The following STEAP1B variants were observed in gnomAD, a reference collection of about 807,000 sequenced individuals.
STEAP1B encodes the protein STEAP family member 1B.
Under a neutral mutation model 27.9 loss-of-function variants are expected in STEAP1B, and 13 were observed. That is an observed-to-expected ratio of 0.47 (90% CI 0.30 to 0.74). The LOEUF (loss-of-function observed/expected upper bound fraction) is 0.74, where lower values mean the gene tolerates loss of function less well. Among genes scored for constraint, STEAP1B ranks in the 30% least tolerant of loss-of-function variants. The pLI, the probability that STEAP1B is intolerant of heterozygous loss-of-function variation, is 0.06. For missense variants in STEAP1B, 250 were observed against 298.7 expected, an observed-to-expected ratio of 0.84 and a Z score of 1.20; for synonymous variants, 86 against 107.1, an observed-to-expected ratio of 0.80 and a Z score of 1.22.
At chr7:22,435,551 G>C (rs1030826952) in intron 4 of STEAP1B, among the ~76,000 whole-genome samples, 6 of 152,086 alleles carry the variant, frequency 3.9e-5, no homozygotes, top group African/African-American at 1.2e-4. Context: ...AGCACCAAGG[G>C]GGGTGGTTAT....
At chr7:22,468,599 A>G (rs992212520) in intron 4 of STEAP1B, among the ~76,000 whole-genome samples, 3 of 152,010 alleles carry the variant, frequency 2.0e-5, no homozygotes, top group African/African-American at 7.3e-5. Context: ...AAAGACAAAG[A>G]CCTGCACACA....
chr7:22,441,375 G>A (rs965385614), intron 4 of STEAP1B, among the ~76,000 whole-genome samples: 7 of 152,096 alleles, frequency 4.6e-5, no homozygotes, highest in Admixed American at 1.3e-4. Context: ...CTTACCATGC[G>A]CCAGGCACTG....
chr7:22,420,592 C>T (rs1480586539), intron 4 of STEAP1B, among the ~76,000 whole-genome samples: 7 of 152,200 alleles, frequency 4.6e-5, no homozygotes, highest in Admixed American at 1.3e-4. Context: ...AAAACTTTCC[C>T]GGCATATCAT....
intron 3 of STEAP1B, 26 bp downstream of exon 3, chr7:22,493,298 T>C (rs201851675): frequency 0.059 from 89,168 of 1,499,346 alleles, 4,504 homozygotes; most frequent in African/African-American, 0.12. Flanking sequence ...TTTTTATTAG[T>C]AACAGTGACA....
intron 4 of STEAP1B, among the ~76,000 whole-genome samples, chr7:22,457,819 C>G (rs973170808): frequency 6.6e-6 from 1 of 152,200 alleles, no homozygotes; most frequent in Admixed American, 6.5e-5. Flanking sequence ...AGGTCCTCAC[C>G]TGCCCACATG....
intron 4 of STEAP1B, among the ~76,000 whole-genome samples, chr7:22,457,555 C>T (rs1785608281): frequency 6.6e-6 from 1 of 152,224 alleles, no homozygotes; most frequent in Admixed American, 6.5e-5. Context: ...TAAGTGGCTT[C>T]ACTAGTGGGT....
chr7:22,456,757 T>C (rs967742847), intron 4 of STEAP1B, among the ~76,000 whole-genome samples: 1 of 151,286 alleles, frequency 6.6e-6, no homozygotes, highest in African/African-American at 2.4e-5. Context: ...AAAGAGAGTC[T>C]GGTTTAGGCC....
chr7:22,496,725 A>C (rs1171944337), intron 1 of STEAP1B, among the ~76,000 whole-genome samples: 1 of 152,198 alleles, frequency 6.6e-6, no homozygotes, highest in African/African-American at 2.4e-5. Context: ...AGGCTGTACC[A>C]TCTAAGTTTA....
chr7:22,464,986 CAAT>C (rs1203042057), intron 4 of STEAP1B, among the ~76,000 whole-genome samples: 2 of 32,210 alleles, frequency 6.2e-5, no homozygotes, highest in East Asian at 9.9e-4. Flanking sequence ...AAGAGATTAA[CAAT>C]AATAACTAGT....
chr7:22,451,885 G>A (rs974839942), intron 4 of STEAP1B, among the ~76,000 whole-genome samples: 6 of 152,160 alleles, frequency 3.9e-5, no homozygotes, highest in Non-Finnish European at 8.8e-5. Flanking sequence ...TTTAGTATCA[G>A]AGTAATACTG....
At chr7:22,456,074 G>C (rs1785574205) in intron 4 of STEAP1B, among the ~76,000 whole-genome samples, 1 of 151,982 alleles carries the variant, frequency 6.6e-6, no homozygotes, top group African/African-American at 2.4e-5. Context: ...GTGAACCCAG[G>C]AGGCAGAGCT....
intron 4 of STEAP1B, among the ~76,000 whole-genome samples, chr7:22,482,049 G>A (rs1353841072): frequency 6.6e-6 from 1 of 152,178 alleles, no homozygotes; most frequent in African/African-American, 2.4e-5. Context: ...CCCCACAGGG[G>A]CCAGGCAGAG....
intron 1 of STEAP1B, chr7:22,495,393 T>C (rs944610593): frequency 1.3e-5 from 2 of 152,296 alleles, no homozygotes; most frequent in African/African-American, 4.8e-5. Flanking sequence ...GGTTGGTCCT[T>C]GTTTGGAAGA....
At chr7:22,420,932 C>T (rs566931352) in intron 4 of STEAP1B, among the ~76,000 whole-genome samples, 1 of 152,188 alleles carries the variant, frequency 6.6e-6, no homozygotes, top group East Asian at 1.9e-4. Flanking sequence ...GAAGCAGAAC[C>T]AGGATTTGCA....
chr7:22,468,302 G>T (rs142794588), intron 4 of STEAP1B, among the ~76,000 whole-genome samples: 2 of 152,032 alleles, frequency 1.3e-5, no homozygotes, highest in East Asian at 3.9e-4. Context: ...TCATATAAAC[G>T]AATAAGGGAG....
intron 4 of STEAP1B, among the ~76,000 whole-genome samples, chr7:22,459,911 T>C (rs1785649145): frequency 6.6e-6 from 1 of 152,198 alleles, no homozygotes; most frequent in African/African-American, 2.4e-5. Flanking sequence ...AGTTTCATTA[T>C]CCAATTTCCC....
intron 2 of STEAP1B, 142 bp from the exon 3 acceptor site, chr7:22,493,978 A>G: frequency 9.5e-7 from 1 of 1,050,004 alleles, no homozygotes; most frequent in Non-Finnish European, 1.3e-6. Flanking sequence ...GGTTAGTTGA[A>G]GATAGCATAG....
chr7:22,456,972 A>ATTTTTTTTTTTTTTT lies in STEAP1B; in HGVS notation c.762+35592_762+35593insAAAAAAAAAAAAAAA, dbSNP rs3064738. Among the ~76,000 whole-genome samples the ATTTTTTTTTTTTTTT allele has an allele frequency of 1.9e-4, 11 of 56,964 alleles. 1 individual carries two copies. Among genetic ancestry groups the ATTTTTTTTTTTTTTT allele is most frequent in the African/African-American group, 5.6e-4 (8 of 14,258 alleles). The allele number at this position is 56,964 out of a possible 152,430, so 37.4% of individuals were successfully genotyped here. A position where few individuals can be genotyped will look rare whatever the true frequency, so the allele number is the denominator to read the frequency against. On this transcript the variant is annotated intron_variant, in intron 4 of 4. Coordinates refer to ENST00000678116, the MANE Select transcript of STEAP1B (RefSeq NM_001382447.1). The stretch of plus-strand genomic sequence containing the variant: ...GGCAGCTATATATATATATATATAT[A>ATTTTTTTTTTTTTTT]TTTTTTTTTTTTTTAAGTATCCTGG...
At chr7:22,459,783 G>A (rs1232269820) in intron 4 of STEAP1B, among the ~76,000 whole-genome samples, 1 of 152,076 alleles carries the variant, frequency 6.6e-6, no homozygotes, top group Admixed American at 6.5e-5. Context: ...TATGGGTCCC[G>A]TCCTCAGGAC....
Sources: allele counts gnomAD v4.1 joint callset (sites outside exome capture counted in the v4.1 genomes callset), GRCh38; gene constraint gnomAD v4.1.1; transcripts MANE v1.5; gene names NCBI Gene and HGNC (gene_info 2026-07-23, HGNC 2026-07-21).